Variants in RHBDL2 observed in about 807,000 individuals in gnomAD.
RHBDL2 encodes rhomboid-related protein 2.
RHBDL2 carries 26 observed loss-of-function variants against 31.7 expected under a neutral mutation model. That is an observed-to-expected ratio of 0.82 (90% confidence interval 0.60 to 1.14). The LOEUF (loss-of-function observed/expected upper bound fraction) is 1.14. RHBDL2 is among the 50% of genes most tolerant of loss of function. The probability of loss-of-function intolerance (pLI) is 0.00; values close to 1 mark genes in which losing one functional copy is unlikely to be tolerated. For missense variants in RHBDL2, 336 were observed against 364.4 expected, an observed-to-expected ratio of 0.92 and a Z score of 0.63; for synonymous variants, 123 against 127.2, an observed-to-expected ratio of 0.97 and a Z score of 0.22.
intron 1 of RHBDL2, among the ~76,000 whole-genome samples, chr1:38,927,144 C>T (rs149389089): frequency 4.0e-5 from 6 of 151,696 alleles, no homozygotes; most frequent in Non-Finnish European, 5.9e-5. Context: ...AGCCTTCTAC[C>T]GGGCAGGGCG....
At chr1:38,905,501 G>A (rs2124318117) in intron 4 of RHBDL2, among the ~76,000 whole-genome samples, 1 of 151,948 alleles carries the variant, frequency 6.6e-6, no homozygotes, top group Admixed American at 6.6e-5. Flanking sequence ...TGTAATCCCA[G>A]CACTTTGGGA....
intron 1 of RHBDL2, among the ~76,000 whole-genome samples, chr1:38,935,940 T>A (rs1643501431): frequency 6.6e-6 from 1 of 151,970 alleles, no homozygotes; most frequent in Non-Finnish European, 1.5e-5. Context: ...TGAGACAGGG[T>A]CTTGCTTTGT....
chr1:38,917,296 C>T (rs573224512), intron 2 of RHBDL2, among the ~76,000 whole-genome samples: 2 of 152,166 alleles, frequency 1.3e-5, no homozygotes, highest in Admixed American at 6.5e-5. Context: ...GGATTACAGG[C>T]GTGCACCACT....
At chr1:38,911,553 A>G in intron 3 of RHBDL2, 119 bp from the exon 4 acceptor site, 1 of 646,218 alleles carries the variant, frequency 1.5e-6, no homozygotes, top group Admixed American at 2.9e-5. Flanking sequence ...CTAGAATTCC[A>G]TTTTCTAATT....
At chr1:38,920,837 G>A (rs553535123) in intron 1 of RHBDL2, among the ~76,000 whole-genome samples, 29 of 147,364 alleles carry the variant, frequency 2.0e-4, no homozygotes, top group East Asian at 8.2e-4. Flanking sequence ...GGATGGTCTC[G>A]ATCTCCTGAC....
At chr1:38,914,009 C>T (rs369962091) in intron 3 of RHBDL2, among the ~76,000 whole-genome samples, 15 of 151,656 alleles carry the variant, frequency 9.9e-5, no homozygotes, top group Non-Finnish European at 1.9e-4. Context: ...CCCAGCTACT[C>T]GGGAAGCTGA....
intron 4 of RHBDL2, among the ~76,000 whole-genome samples, chr1:38,904,067 G>A (rs900167873): frequency 6.6e-6 from 1 of 152,144 alleles, no homozygotes; most frequent in Non-Finnish European, 1.5e-5. Context: ...CCTTCCCCTT[G>A]CAAAAATACC....
In RHBDL2 at chr1:38,896,163, C is replaced by T. The variant is rs1642916987; in HGVS notation, c.509-94G>A. ...AAGGTAGACATTTGGGAAGTCTGGT[C>T]TATTATCACATTAGCAAGCAACAAA... On this transcript the variant is annotated intron_variant, in intron 4 of 7. Transcript: ENST00000372990. 5 of 910,180 alleles carry T rather than the reference C, an allele frequency of 5.5e-6. No individual in the cohort carries two copies. In the South Asian group the frequency reaches 7.8e-5, roughly 14 times the overall value. 56.4% of individuals were successfully genotyped at this position (910,180 alleles called of 1,614,324 possible).
intron 5 of RHBDL2, among the ~76,000 whole-genome samples, chr1:38,895,700 A>G (rs1642909604): frequency 6.6e-6 from 1 of 152,128 alleles, no homozygotes; most frequent in Non-Finnish European, 1.5e-5. Flanking sequence ...GCTATTTAGG[A>G]GGCTGAGGTG....
At chr1:38,895,116 T>C (rs773664537) in intron 5 of RHBDL2, among the ~76,000 whole-genome samples, 2 of 152,192 alleles carry the variant, frequency 1.3e-5, no homozygotes, top group African/African-American at 2.4e-5. Flanking sequence ...TAGAGGATGC[T>C]AGGGAGCAGC....
rs148416935 is a variant in RHBDL2 at position 38,900,942 on chromosome 1, G to A, written c.509-4873C>T. ...ACACGTCTGTAGTCCCAGCTACTTG[G>A]GAGGCTCAGGCAGGAGCACCGCTTG... On this transcript the variant is annotated intron_variant, in intron 4 of 7. Coordinates refer to ENST00000372990, the MANE Select transcript of RHBDL2 (RefSeq NM_017821.5). 2.1e-3 allele frequency among the ~76,000 whole-genome samples: 318 copies of A among 151,394 alleles called. 14 individuals carry two copies. In the East Asian group the frequency reaches 0.059, roughly 28 times the overall value.
intron 1 of RHBDL2, among the ~76,000 whole-genome samples, chr1:38,940,825 G>A (rs1643552476): frequency 6.6e-6 from 1 of 152,132 alleles, no homozygotes; most frequent in Non-Finnish European, 1.5e-5. Flanking sequence ...GAGCACAGGA[G>A]TTTGAAGTTG....
chr1:38,914,246 T>C (rs1474367720), intron 3 of RHBDL2, among the ~76,000 whole-genome samples: 2 of 152,036 alleles, frequency 1.3e-5, no homozygotes, highest in Non-Finnish European at 2.9e-5. Context: ...CTAAATTTAT[T>C]TTATTTTATT....
At chr1:38,906,311 T>C (rs2124319266) in intron 4 of RHBDL2, among the ~76,000 whole-genome samples, 1 of 152,018 alleles carries the variant, frequency 6.6e-6, no homozygotes, top group South Asian at 2.1e-4. Context: ...ACATGAAAAA[T>C]CCCAAGGAAT....
At chr1:38,912,050 C>T (rs1455918857) in intron 3 of RHBDL2, among the ~76,000 whole-genome samples, 1 of 152,052 alleles carries the variant, frequency 6.6e-6, no homozygotes, top group African/African-American at 2.4e-5. Context: ...CGGCTCACTG[C>T]AACCTCCACC....
intron 1 of RHBDL2, among the ~76,000 whole-genome samples, chr1:38,931,534 GAAAAGAA>G (rs146171310): frequency 0.15 from 22,874 of 148,552 alleles, 2,253 homozygotes; most frequent in Non-Finnish European, 0.22. Flanking sequence ...AAAAAAAAAA[GAAAAGAA>G]AAAAGAAAAA....
At chr1:38,894,457 G>C (rs993083166) in intron 5 of RHBDL2, among the ~76,000 whole-genome samples, 2 of 151,866 alleles carry the variant, frequency 1.3e-5, no homozygotes, top group Non-Finnish European at 2.9e-5. Context: ...AGAGTAGCTG[G>C]GACTACAGGT....
chr1:38,930,857 T>C (rs1233625932), intron 1 of RHBDL2, among the ~76,000 whole-genome samples: 1 of 152,158 alleles, frequency 6.6e-6, no homozygotes, highest in Non-Finnish European at 1.5e-5. Context: ...TTTTCAATAG[T>C]GGTCCACTGA....
chr1:38,919,961 T>C (rs1643289370), intron 1 of RHBDL2, among the ~76,000 whole-genome samples: 1 of 152,172 alleles, frequency 6.6e-6, no homozygotes, highest in East Asian at 1.9e-4. Flanking sequence ...TCCAAAACTT[T>C]TTCATCACAA....
Sources: gnomAD v4.1 joint callset for allele counts (sites outside exome capture counted in the v4.1 genomes callset) on GRCh38, gnomAD v4.1.1 for gene constraint, MANE v1.5 for transcripts, NCBI Gene and HGNC (gene_info 2026-07-23, HGNC 2026-07-21) for gene names.